The following XRN1 variants were observed in gnomAD, a reference collection of about 807,000 sequenced individuals.
XRN1 encodes strand-exchange protein 1 homolog.
A neutral mutation model predicts 222.3 loss-of-function variants in XRN1; 67 were observed. The ratio of observed to expected loss-of-function variants is 0.30; its 90% CI spans 0.25 to 0.37. The LOEUF (loss-of-function observed/expected upper bound fraction) is 0.37, where lower values mean the gene tolerates loss of function less well. XRN1 is among the 10% of genes least tolerant of loss of function. The pLI is 1.00. For synonymous variants in XRN1, 643 were observed against 652.4 expected (o/e 0.99, Z 0.22); for missense variants, 1,707 against 2,000.2 (o/e 0.85, Z 2.80).
intron 15 of XRN1, among the ~76,000 whole-genome samples, chr3:142,409,429 T>C (rs1173398955): frequency 6.6e-6 from 1 of 152,204 alleles, no homozygotes; most frequent in Non-Finnish European, 1.5e-5. Context: ...GAAAAGCACT[T>C]TCTTTACTCA....
At chr3:142,409,838 T>C (rs1167503687) in intron 15 of XRN1, among the ~76,000 whole-genome samples, 1 of 152,224 alleles carries the variant, frequency 6.6e-6, no homozygotes, top group African/African-American at 2.4e-5. Flanking sequence ...GGTAGAGGGC[T>C]TCCACATATG....
intron 27 of XRN1, 64 bp from the exon 28 acceptor site, chr3:142,365,430 C>G: frequency 8.3e-7 from 1 of 1,203,480 alleles, no homozygotes; most frequent in Non-Finnish European, 1.1e-6. Context: ...ACTACCTACT[C>G]ACTACTTCCA....
intron 21 of XRN1, among the ~76,000 whole-genome samples, chr3:142,383,972 T>TA (rs2067396756): frequency 2.0e-5 from 3 of 151,526 alleles, no homozygotes; most frequent in East Asian, 1.9e-4. Context: ...TCTAAGTCCT[T>TA]AAAAAAAACC....
chr3:142,440,794 C>G (rs1338238329), intron 1 of XRN1, among the ~76,000 whole-genome samples: 1 of 152,148 alleles, frequency 6.6e-6, no homozygotes, highest in Non-Finnish European at 1.5e-5. Context: ...CTTAAGGATG[C>G]CTTTTTCTGC....
rs1319679336 is a variant in XRN1, at chr3:142,308,389, T to C, written c.*3122A>G. ...GGTACCTGATCATAGAAAGAAACAA[T>C]AAAAAAACTTGCATCAATAGTTCTT... is the stretch of plus-strand genomic sequence containing the variant. On this transcript the variant is annotated 3_prime_UTR_variant, in exon 41 of 41. Transcript: ENST00000392981. The C allele has an allele frequency of 6.6e-6, 1 of 151,954 alleles. No homozygotes were observed. The highest frequency in any genetic ancestry group is 1.5e-5 in the Non-Finnish European group (1 of 67,970). The allele number at this position is 151,954 out of a possible 1,614,324, so 9.4% of individuals were successfully genotyped here. A position where few individuals can be genotyped will look rare whatever the true frequency, so the allele number is the denominator to read the frequency against.
At chr3:142,416,458 A>G (rs1236041722) in intron 13 of XRN1, among the ~76,000 whole-genome samples, 1 of 152,202 alleles carries the variant, frequency 6.6e-6, no homozygotes, top group Non-Finnish European at 1.5e-5. Context: ...CGATGGGATT[A>G]GAGGCATGAG....
At chr3:142,359,026 T>C (rs1200192166) in intron 30 of XRN1, among the ~76,000 whole-genome samples, 1 of 152,174 alleles carries the variant, frequency 6.6e-6, no homozygotes, top group Non-Finnish European at 1.5e-5. Context: ...ATCTTCATTA[T>C]AGATGAGGAA....
intron 2 of XRN1, 107 bp from the exon 3 acceptor site, chr3:142,426,948 G>T: frequency 1.3e-6 from 1 of 748,620 alleles, no homozygotes; most frequent in Non-Finnish European, 2.2e-6. Flanking sequence ...TAATTCACCA[G>T]TTTTAACGTT....
intron 31 of XRN1, among the ~76,000 whole-genome samples, chr3:142,356,133 G>A (rs2066460305): frequency 6.6e-6 from 1 of 152,070 alleles, no homozygotes; most frequent in African/African-American, 2.4e-5. Context: ...GTCTTCTAAT[G>A]TATTAAAATA....
intron 1 of XRN1, among the ~76,000 whole-genome samples, chr3:142,439,024 C>T (rs1384392193): frequency 2.6e-5 from 4 of 152,062 alleles, no homozygotes; most frequent in African/African-American, 9.7e-5. Context: ...GATTATGCCC[C>T]CTCCAAGCAG....
chr3:142,322,993 ACT>A (rs1018457426), intron 37 of XRN1, among the ~76,000 whole-genome samples: 43 of 152,130 alleles, frequency 2.8e-4, no homozygotes, highest in Non-Finnish European at 5.1e-4. Context: ...ACAGAGCGAG[ACT>A]CTGTCTCAAA....
intron 29 of XRN1, among the ~76,000 whole-genome samples, chr3:142,363,988 A>G (rs1164758134): frequency 2.0e-5 from 3 of 152,214 alleles, no homozygotes; most frequent in Non-Finnish European, 4.4e-5. Flanking sequence ...AAGAGGATCT[A>G]CAAATGGAAA....
chr3:142,375,971 C>T (rs771026253), intron 24 of XRN1, 27 bp from the exon 25 acceptor site: 67 of 1,576,122 alleles, frequency 4.3e-5, no homozygotes, highest in East Asian at 4.5e-5. Flanking sequence ...CATGCGCACA[C>T]GTGCACACAC....
At chr3:142,360,375 T>C (rs1026580621) in intron 29 of XRN1, among the ~76,000 whole-genome samples, 1 of 152,216 alleles carries the variant, frequency 6.6e-6, no homozygotes, top group Non-Finnish European at 1.5e-5. Context: ...TTTCTGGATA[T>C]ATAGTATCCC....
intron 20 of XRN1, among the ~76,000 whole-genome samples, chr3:142,386,277 TAAAAC>T (rs1409431021): frequency 1.3e-5 from 2 of 151,996 alleles, no homozygotes; most frequent in African/African-American, 4.8e-5. Context: ...GCAAAAATCT[TAAAAC>T]AAACTTAAAC....
chr3:142,333,119 A>T (rs972876849), intron 34 of XRN1, 30 bp from the exon 35 acceptor site: 9 of 1,605,642 alleles, frequency 5.6e-6, no homozygotes, highest in Non-Finnish European at 7.6e-6. Flanking sequence ...GGGCATGAAG[A>T]TGAACGTATA....
chr3:142,390,128 G>A (rs868094923), intron 20 of XRN1, among the ~76,000 whole-genome samples: 2 of 152,196 alleles, frequency 1.3e-5, no homozygotes, highest in South Asian at 2.1e-4. Context: ...ATAGAGCACA[G>A]GCATAGATTT....
rs758773726 is a variant in XRN1, at chr3:142,326,761, G to A, written c.4404+2673C>T. On this transcript the variant is annotated intron_variant, in intron 37 of 40. Transcript: ENST00000392981. The stretch of plus-strand genomic sequence containing the variant: ...CCCATTCAGTATGATACTAGCTGTG[G>A]GTTTGTTGTTGTTTATTATGTTGAG... 1.5e-3 allele frequency among the ~76,000 whole-genome samples: 225 copies of A among 152,088 alleles called. 1 individual carries two copies. The highest frequency in any genetic ancestry group is 2.4e-3 in the Non-Finnish European group (163 of 67,936).
At chr3:142,443,025 G>T (rs1464860628) in intron 1 of XRN1, among the ~76,000 whole-genome samples, 1 of 152,120 alleles carries the variant, frequency 6.6e-6, no homozygotes, top group Non-Finnish European at 1.5e-5. Flanking sequence ...GAGCCACCGC[G>T]CCCGGCCCAA....
Sources: allele counts gnomAD v4.1 joint callset (sites outside exome capture counted in the v4.1 genomes callset), GRCh38; gene constraint gnomAD v4.1.1; transcripts MANE v1.5; gene names NCBI Gene and HGNC (gene_info 2026-07-23, HGNC 2026-07-21).